HS6ST3: variants seen among roughly 807,000 people sequenced by gnomAD.
HS6ST3 encodes the protein heparan-sulfate 6-O-sulfotransferase 3.
HS6ST3 carries 12 observed loss-of-function variants against 36.7 expected under a neutral mutation model. The ratio of observed to expected loss-of-function variants is 0.33; its 90% CI spans 0.21 to 0.53. HS6ST3 has a LOEUF of 0.53. HS6ST3 is among the 20% of genes least tolerant of loss of function. The probability of loss-of-function intolerance (pLI) is 0.95; values close to 1 mark genes in which losing one functional copy is unlikely to be tolerated. For missense variants in HS6ST3, 584 were observed against 640.9 expected, an observed-to-expected ratio of 0.91 and a Z score of 0.96; for synonymous variants, 240 against 257.5, an observed-to-expected ratio of 0.93 and a Z score of 0.65.
At chr13:96,193,683 T>G (rs1344280287) in intron 1 of HS6ST3, among the ~76,000 whole-genome samples, 2 of 152,126 alleles carry the variant, frequency 1.3e-5, no homozygotes, top group Non-Finnish European at 2.9e-5. Context: ...AAGCGAGAGG[T>G]AGGCTGAAAA....
intron 1 of HS6ST3, among the ~76,000 whole-genome samples, chr13:96,645,802 G>A (rs1431422020): frequency 6.6e-6 from 1 of 151,822 alleles, no homozygotes; most frequent in Non-Finnish European, 1.5e-5. Flanking sequence ...CAGCTTAAAG[G>A]GGAGGAAATG....
intron 1 of HS6ST3, among the ~76,000 whole-genome samples, chr13:96,265,081 T>A (rs2054685107): frequency 6.6e-6 from 1 of 152,196 alleles, no homozygotes; most frequent in Admixed American, 6.5e-5. Flanking sequence ...CAAAGTGCTA[T>A]TGATGTTACC....
intron 1 of HS6ST3, among the ~76,000 whole-genome samples, chr13:96,132,944 G>A (rs2053983334): frequency 2.6e-5 from 4 of 151,748 alleles, no homozygotes; most frequent in Admixed American, 2.6e-4. Context: ...CTTCAGACAT[G>A]TTTATTTGCC....
rs556658364 is a variant in HS6ST3, at chr13:96,157,891, A to G, written c.707+66322A>G. Among the ~76,000 whole-genome samples the G allele has an allele frequency of 4.6e-5, 7 of 152,320 alleles. No individual in the cohort carries two copies. The East Asian group carries it at 1.2e-3, about 25-fold the overall frequency. ...CTTTGGAGACGCACTGTGAGCTAGG[A>G]CACAGGGAGGAATGCAAGACAGCCC... On this transcript the variant is annotated intron_variant, in intron 1 of 1. Transcript: ENST00000376705.
chr13:96,164,920 G>T (rs2139330941), intron 1 of HS6ST3, among the ~76,000 whole-genome samples: 1 of 152,110 alleles, frequency 6.6e-6, no homozygotes, highest in South Asian at 2.1e-4. Flanking sequence ...TAAAACCACG[G>T]ATACATATTT....
chr13:96,747,002 G>A (rs976137745), intron 1 of HS6ST3, among the ~76,000 whole-genome samples: 7 of 152,020 alleles, frequency 4.6e-5, no homozygotes, highest in Admixed American at 3.3e-4. Context: ...GCTTTGCTTT[G>A]ACTTCCATTA....
chr13:96,637,510 G>A lies in HS6ST3; in HGVS notation c.708-194980G>A, dbSNP rs575244526. 2.0e-5 allele frequency among the ~76,000 whole-genome samples: 3 copies of A among 152,220 alleles called. No homozygotes were observed. In the South Asian group the frequency reaches 6.2e-4, roughly 32 times the overall value. On this transcript the variant is annotated intron_variant, in intron 1 of 1. Transcript: ENST00000376705. ...AAAGCTTGTTCTGCTGATGAATTGAGATACCATCATGCCTGAGACATAACA... is the reference window on the plus strand; with the variant it reads ...AAAGCTTGTTCTGCTGATGAATTGAAATACCATCATGCCTGAGACATAACA...
intron 1 of HS6ST3, among the ~76,000 whole-genome samples, chr13:96,144,288 A>G (rs535341506): frequency 6.6e-6 from 1 of 152,348 alleles, no homozygotes; most frequent in African/African-American, 2.4e-5. Flanking sequence ...CCTTGATTAT[A>G]TTAAGATTAC....
chr13:96,567,932 T>G (rs2056287426), intron 1 of HS6ST3, among the ~76,000 whole-genome samples: 1 of 152,182 alleles, frequency 6.6e-6, no homozygotes, highest in Admixed American at 6.5e-5. Flanking sequence ...GGGATGCCAT[T>G]TCTCACCCAC....
intron 1 of HS6ST3, among the ~76,000 whole-genome samples, chr13:96,798,977 G>A (rs1296892116): frequency 6.6e-6 from 1 of 151,958 alleles, no homozygotes; most frequent in East Asian, 1.9e-4. Flanking sequence ...TGTCCAGATT[G>A]CCTTCTAATA....
chr13:96,678,072 G>A (rs1003122780), intron 1 of HS6ST3, among the ~76,000 whole-genome samples: 1 of 152,130 alleles, frequency 6.6e-6, no homozygotes, highest in Non-Finnish European at 1.5e-5. Context: ...GGCACCTGGT[G>A]AGGGTCATCT....
chr13:96,478,339 G>A (rs2055873975), intron 1 of HS6ST3, among the ~76,000 whole-genome samples: 1 of 152,200 alleles, frequency 6.6e-6, no homozygotes, highest in Admixed American at 6.5e-5. Context: ...TAAGAGAAGA[G>A]AACATGGAGA....
intron 1 of HS6ST3, among the ~76,000 whole-genome samples, chr13:96,567,037 T>C (rs983375840): frequency 1.3e-5 from 2 of 152,148 alleles, no homozygotes; most frequent in African/African-American, 4.8e-5. Context: ...AAAATGTACA[T>C]ATAGTTTATT....
intron 1 of HS6ST3, among the ~76,000 whole-genome samples, chr13:96,742,488 G>C (rs1255525032): frequency 6.6e-6 from 1 of 151,970 alleles, no homozygotes; most frequent in East Asian, 1.9e-4. Flanking sequence ...GATGAAAAAA[G>C]ATATACCAGG....
At chr13:96,238,209 T>G (rs111922542) in intron 1 of HS6ST3, among the ~76,000 whole-genome samples, 1,685 of 152,264 alleles carry the variant, frequency 0.011, 30 homozygotes, top group African/African-American at 0.039. Context: ...ACATGCAATT[T>G]GTCACCAAAA....
At chr13:96,672,659 C>T (rs963098348) in intron 1 of HS6ST3, among the ~76,000 whole-genome samples, 23 of 152,082 alleles carry the variant, frequency 1.5e-4, no homozygotes, top group Non-Finnish European at 2.5e-4. Context: ...ATACTCCAAC[C>T]GCTTCCTGAG....
chr13:96,385,115 G>A (rs912851588), intron 1 of HS6ST3, among the ~76,000 whole-genome samples: 3 of 147,702 alleles, frequency 2.0e-5, no homozygotes, highest in African/African-American at 7.4e-5. Flanking sequence ...GGAGGCAGAG[G>A]TTGCAGTGAG....
At chr13:96,266,290 A>C (rs1264435253) in intron 1 of HS6ST3, among the ~76,000 whole-genome samples, 1 of 152,174 alleles carries the variant, frequency 6.6e-6, no homozygotes, top group Non-Finnish European at 1.5e-5. Context: ...AGGTATGGTC[A>C]TTCCTGACTC....
At chr13:96,733,540 T>C (rs1876210848) in intron 1 of HS6ST3, among the ~76,000 whole-genome samples, 1 of 152,208 alleles carries the variant, frequency 6.6e-6, no homozygotes, top group Non-Finnish European at 1.5e-5. Context: ...TTCCAGGTAG[T>C]GTTATAGATA....
Sources: gnomAD v4.1 joint callset for allele counts (sites outside exome capture counted in the v4.1 genomes callset) on GRCh38, gnomAD v4.1.1 for gene constraint, MANE v1.5 for transcripts, NCBI Gene and HGNC (gene_info 2026-07-23, HGNC 2026-07-21) for gene names.